Variants in MTSS1 observed in about 807,000 individuals in gnomAD.
MTSS1 encodes the protein MTSS I-BAR domain containing 1, also known as protein MTSS 1.
In MTSS1, 18 loss-of-function variants were observed where a neutral mutation model predicts 79.0. That is an observed-to-expected ratio of 0.23 (90% CI 0.16 to 0.34). The LOEUF is 0.34. MTSS1 is among the 10% of genes least tolerant of loss of function. The pLI is 1.00. For missense variants in MTSS1, 815 were observed against 986.2 expected (o/e 0.83, Z 2.33); for synonymous variants, 341 against 368.6 (o/e 0.93, Z 0.86).
chr8:124,602,938 C>T (rs959435578), intron 3 of MTSS1, among the ~76,000 whole-genome samples: 6 of 152,218 alleles, frequency 3.9e-5, no homozygotes, highest in African/African-American at 7.2e-5. Flanking sequence ...TTGGAAATGA[C>T]GGATCGTCAT....
chr8:124,578,540 A>G lies in MTSS1; in HGVS notation c.460+6547T>C, dbSNP rs181621404. Among the ~76,000 whole-genome samples the G allele has an allele frequency of 5.3e-5, 8 of 152,116 alleles. No individual in the cohort carries two copies. The East Asian group carries it at 1.4e-3, about 26-fold the overall frequency. On this transcript the variant is annotated intron_variant, in intron 6 of 13. Coordinates refer to ENST00000518547, the MANE Select transcript of MTSS1 (RefSeq NM_014751.6). ...GCTGGCAGGGTGGCTCACACCTGTA[A>G]TCCCAGCACTTTGGGAGGCCAAGGC...
In MTSS1 at chr8:124,642,132, C is replaced by T. The variant is rs73343940; in HGVS notation, c.209-50897G>A. Reference sequence around the variant, plus strand: ...CAAGTACTTAGCATTTCATAACAGGCGCAGTTCACTGAGAAGATATTTAAA... The same window carrying T: ...CAAGTACTTAGCATTTCATAACAGGTGCAGTTCACTGAGAAGATATTTAAA... On this transcript the variant is annotated intron_variant, in intron 3 of 13. Transcript: ENST00000518547. 8.4e-3 allele frequency among the ~76,000 whole-genome samples: 1,275 copies of T among 152,218 alleles called. 17 individuals carry two copies. Among genetic ancestry groups the T allele is most frequent in the African/African-American group, 0.03 (1,237 of 41,540 alleles).
intron 13 of MTSS1, among the ~76,000 whole-genome samples, chr8:124,555,414 T>G (rs553430531): frequency 4.4e-4 from 67 of 152,064 alleles, no homozygotes; most frequent in Non-Finnish European, 4.4e-5. Flanking sequence ...CCCGGCTAAT[T>G]TTTTTGTATT....
Position 124,711,796 on chromosome 8 carries a change from C to G in MTSS1, c.73-7605G>C, listed in dbSNP as rs548643506. ...CTGAGGCAGATGGATCACCTGAGCTCAGGAGTTCGAGACCAGCCTGGGGAA... is the reference window on the plus strand; with the variant it reads ...CTGAGGCAGATGGATCACCTGAGCTGAGGAGTTCGAGACCAGCCTGGGGAA... On this transcript the variant is annotated intron_variant, in intron 1 of 13. Coordinates refer to ENST00000518547, the MANE Select transcript of MTSS1 (RefSeq NM_014751.6). Among the ~76,000 whole-genome samples, 8 of 152,186 alleles carry G rather than the reference C, an allele frequency of 5.3e-5. No homozygotes were observed. The South Asian group carries it at 1.7e-3, about 32-fold the overall frequency.
Position 124,597,766 on chromosome 8 carries a change from C to T in MTSS1, c.209-6531G>A, listed in dbSNP as rs2132875102. Among the ~76,000 whole-genome samples the T allele has an allele frequency of 6.6e-6, 1 of 152,312 alleles. No homozygotes were observed. Among genetic ancestry groups the T allele is most frequent in the Admixed American group, 6.5e-5 (1 of 15,308 alleles). ...GAAGAACTGCTTTGGTGAAAGTGTGCCGCCGTCACAGTAAGTCACTGTGCA... is the reference window on the plus strand; with the variant it reads ...GAAGAACTGCTTTGGTGAAAGTGTGTCGCCGTCACAGTAAGTCACTGTGCA... On this transcript the variant is annotated intron_variant, in intron 3 of 13. Coordinates refer to ENST00000518547, the MANE Select transcript of MTSS1 (RefSeq NM_014751.6). This position sits in a 1 kb window ranked among gnomAD's most constrained non-coding sequence, Gnocchi z 4.6.
chr8:124,657,211 A>C (rs1213717496), intron 3 of MTSS1, among the ~76,000 whole-genome samples: 1 of 152,156 alleles, frequency 6.6e-6, no homozygotes, highest in Non-Finnish European at 1.5e-5. Flanking sequence ...TGAAATACTA[A>C]ATGCCTGCAC....
intron 6 of MTSS1, among the ~76,000 whole-genome samples, chr8:124,581,269 C>T (rs1380676073): frequency 7.0e-6 from 1 of 142,202 alleles, no homozygotes; most frequent in East Asian, 2.1e-4. Context: ...GCCTAGGCCA[C>T]CTAGTGAGAT....
At chr8:124,600,296 T>G (rs1833566290) in intron 3 of MTSS1, among the ~76,000 whole-genome samples, 2 of 152,260 alleles carry the variant, frequency 1.3e-5, no homozygotes, top group African/African-American at 4.8e-5. Context: ...AACATTCTAC[T>G]TCTTTTGTAG....
intron 3 of MTSS1, among the ~76,000 whole-genome samples, chr8:124,604,633 A>T (rs1000747740): frequency 6.6e-6 from 1 of 152,110 alleles, no homozygotes; most frequent in East Asian, 1.9e-4. Flanking sequence ...CAGCTACTGT[A>T]TACAGCTGAG....
Position 124,552,847 on chromosome 8 carries a change from T to C in MTSS1, c.*145A>G, listed in dbSNP as rs1822744361. 3 of 728,634 alleles carry C rather than the reference T, an allele frequency of 4.1e-6. No individual in the cohort carries two copies. The highest frequency in any genetic ancestry group is 2.7e-5 in the East Asian group (1 of 36,998). The allele number at this position is 728,634 out of a possible 1,614,324, so 45.1% of individuals were successfully genotyped here. A position where few individuals can be genotyped will look rare whatever the true frequency, so the allele number is the denominator to read the frequency against. On this transcript the variant is annotated 3_prime_UTR_variant, in exon 14 of 14. Transcript: ENST00000518547. ...TTACATAGGTTGGTTTTAATTCTTA[T>C]CTAAAGGTGTCGAGTACTTTCAAAA...
At chr8:124,704,761 C>A (rs1446443567) in intron 1 of MTSS1, among the ~76,000 whole-genome samples, 3 of 152,214 alleles carry the variant, frequency 2.0e-5, no homozygotes, top group Non-Finnish European at 4.4e-5. Flanking sequence ...GAACTCATCA[C>A]CTTCCCAGCC....
chr8:124,591,372 T>C, intron 3 of MTSS1, 137 bp from the exon 4 acceptor site: 1 of 680,392 alleles, frequency 1.5e-6, no homozygotes, highest in East Asian at 2.7e-5. Flanking sequence ...CTTCTCACCA[T>C]GCCCATGTGT....
At chr8:124,595,641 C>T (rs935423738) in intron 3 of MTSS1, among the ~76,000 whole-genome samples, 1 of 152,212 alleles carries the variant, frequency 6.6e-6, no homozygotes, top group African/African-American at 2.4e-5. Flanking sequence ...AGGATCACCT[C>T]CCTGCCTCAA....
At chr8:124,607,117 C>A (rs952017773) in intron 3 of MTSS1, among the ~76,000 whole-genome samples, 1 of 152,222 alleles carries the variant, frequency 6.6e-6, no homozygotes, top group Admixed American at 6.5e-5. Context: ...TGGAACCAGG[C>A]AGACATGCCA....
intron 3 of MTSS1, among the ~76,000 whole-genome samples, chr8:124,647,057 C>T (rs138337078): frequency 2.6e-5 from 4 of 152,158 alleles, no homozygotes; most frequent in Non-Finnish European, 5.9e-5. Flanking sequence ...ACTATGTTGA[C>T]CAGGCTGCTT....
chr8:124,696,667 A>G (rs1338807472), intron 3 of MTSS1, among the ~76,000 whole-genome samples: 1 of 152,114 alleles, frequency 6.6e-6, no homozygotes, highest in Non-Finnish European at 1.5e-5. Flanking sequence ...TCTGGCCAAC[A>G]TGACGAAACC....
At chr8:124,685,856 C>G (rs118049592) in intron 3 of MTSS1, among the ~76,000 whole-genome samples, 12 of 152,178 alleles carry the variant, frequency 7.9e-5, no homozygotes, top group African/African-American at 2.9e-4. Context: ...TCCCAAACAG[C>G]GGCAGAAGTT....
intron 3 of MTSS1, among the ~76,000 whole-genome samples, chr8:124,634,787 C>T (rs1816688177): frequency 6.6e-6 from 1 of 152,132 alleles, no homozygotes; most frequent in South Asian, 2.1e-4. Context: ...AGCAGAATCA[C>T]CTGGGAGTGT....
chr8:124,567,160 G>A lies in MTSS1; in HGVS notation c.637C>T (p.Leu213=), dbSNP rs1399556364. 1 of 1,613,006 alleles carries A rather than the reference G, an allele frequency of 6.2e-7. No homozygotes were observed. Among genetic ancestry groups the A allele is most frequent in the Non-Finnish European group, 8.5e-7 (1 of 1,178,934 alleles). The change falls in exon 8 of 14, where the codon CTA becomes TTA. Residue 213 remains leucine (L), a synonymous_variant. Transcript: ENST00000518547. ...GTCTGAAGGTGGGTTATTTCCCCTA[G>A]CATTGAGATTTCTTCTTCCTGAAGG... ...RPVIEEEISM[L]GEITHLQTIS...
Sources: allele counts gnomAD v4.1 joint callset (sites outside exome capture counted in the v4.1 genomes callset), GRCh38; gene constraint gnomAD v4.1.1; non-coding constraint Gnocchi (gnomAD v3.1); transcripts MANE v1.5; gene names NCBI Gene and HGNC (gene_info 2026-07-23, HGNC 2026-07-21).